Variants in RUVBL2 observed in about 807,000 individuals in gnomAD.
RUVBL2 encodes ruvB-like 2.
Under a neutral mutation model 57.9 loss-of-function variants are expected in RUVBL2, and 9 were observed. The ratio of observed to expected loss-of-function variants is 0.16; its 90% CI spans 0.09 to 0.27. The LOEUF (loss-of-function observed/expected upper bound fraction) is 0.27, where lower values mean the gene tolerates loss of function less well. Among genes scored for constraint, RUVBL2 ranks in the 10% least tolerant of loss-of-function variants. The pLI is 1.00. For synonymous variants in RUVBL2, 278 were observed against 264.6 expected (o/e 1.05, Z -0.49); for missense variants, 456 against 669.6 (o/e 0.68, Z 3.52).
Position 49,014,728 on chromosome 19 carries a change from G to A in RUVBL2, c.1121+125G>A, listed in dbSNP as rs996339557. The stretch of plus-strand genomic sequence containing the variant: ...GGGCCTACAGGAGAGAGGGCTGAGC[G>A]GGCACCCAGACGGTGGCCTCCGATC... On this transcript the variant is annotated intron_variant, in intron 12 of 14. Coordinates refer to ENST00000595090, the MANE Select transcript of RUVBL2 (RefSeq NM_006666.3). 1.5e-5 allele frequency: 20 copies of A among 1,336,018 alleles called. No homozygotes were observed. In the East Asian group the frequency reaches 2.4e-4, roughly 16 times the overall value. 82.8% of individuals were successfully genotyped at this position (1,336,018 alleles called of 1,614,324 possible).
At chr19:49,010,682 T>C (rs2039402203) in intron 9 of RUVBL2, 71 bp downstream of exon 9, 1 of 1,590,412 alleles carries the variant, frequency 6.3e-7, no homozygotes. Context: ...GCTCCCTCTG[T>C]TCCTGAGCTC....
In RUVBL2 at chr19:49,003,260, G is replaced by T; in HGVS notation, c.68-19G>T. 4 of 1,565,576 alleles carry T rather than the reference G, an allele frequency of 2.6e-6. No individual in the cohort carries two copies. On this transcript the variant is annotated intron_variant, in intron 2 of 14. Coordinates refer to ENST00000595090, the MANE Select transcript of RUVBL2 (RefSeq NM_006666.3). ...CAAGCTGGCTAGTAACTGAGTCTTT[G>T]TTCTTTCCCTTCATGTAGGTGCCCA...
rs894986163 is a variant in RUVBL2, at chr19:49,014,968, GCAGT to G, written c.1122-49_1122-46del. 20 of 1,557,048 alleles carry G rather than the reference GCAGT, an allele frequency of 1.3e-5. No homozygotes were observed. The African/African-American group carries it at 1.9e-4, about 15-fold the overall frequency. ...GAGGGTTGCTGTGGCCACTTCTGCT[GCAGT>G]CAGAGGCTGGGCCCCGGCTGAGCCA... On this transcript the variant is annotated intron_variant, in intron 12 of 14. Coordinates refer to ENST00000595090, the MANE Select transcript of RUVBL2 (RefSeq NM_006666.3).
rs752378665 is a variant in RUVBL2 at position 49,004,324 on chromosome 19, C to T, written c.171C>T (p.Gly57=). The change falls in exon 4 of 15, where the codon GGC becomes GGT. Residue 57 remains glycine (G), a synonymous_variant. Transcript: ENST00000595090. ...VGQLAARRAA[G]VVLEMIREGK... is the part of the protein sequence containing the mutation. ...AGCTGGCGGCACGGCGGGCGGCTGGCGTGGTGCTGGAGATGATCCGGGAAG... is the reference window on the plus strand; with the variant it reads ...AGCTGGCGGCACGGCGGGCGGCTGGTGTGGTGCTGGAGATGATCCGGGAAG... 3 of 1,609,644 alleles carry T rather than the reference C, an allele frequency of 1.9e-6. No individual in the cohort carries two copies. The highest frequency in any genetic ancestry group is 1.3e-5 in the African/African-American group (1 of 74,886).
chr19:49,000,691 C>G (rs1429698083), intron 2 of RUVBL2, among the ~76,000 whole-genome samples: 2 of 152,034 alleles, frequency 1.3e-5, no homozygotes, highest in East Asian at 1.9e-4. Context: ...ATGGTGAAAC[C>G]CTGTCTCTAC....
chr19:49,011,142 CG>C lies in RUVBL2; in HGVS notation c.883-46del. ...GGCGGGTGGTGGGGTGGAGGTGGGC[CG>C]GGGAAGTGGGGACGCGGGTGGTGAC... On this transcript the variant is annotated intron_variant, in intron 10 of 14. Transcript: ENST00000595090. The surrounding 1 kb of genome is among the most constrained non-coding windows in gnomAD (Gnocchi z 4.4). 6.8e-7 allele frequency: 1 copy of C among 1,466,076 alleles called. No individual in the cohort carries two copies. The highest frequency in any genetic ancestry group is 9.5e-7 in the Non-Finnish European group (1 of 1,052,638). 90.8% of individuals were successfully genotyped at this position (1,466,076 alleles called of 1,614,324 possible). A position where few individuals can be genotyped will look rare whatever the true frequency, so the allele number is the denominator to read the frequency against.
At chr19:49,013,155 G>C (rs2039468170) in intron 11 of RUVBL2, among the ~76,000 whole-genome samples, 1 of 152,070 alleles carries the variant, frequency 6.6e-6, no homozygotes, top group Non-Finnish European at 1.5e-5. Flanking sequence ...GTAGAGACAG[G>C]GTTTCACCAT....
chr19:49,015,900 T>A lies in RUVBL2; in HGVS notation c.*58T>A. On this transcript the variant is annotated 3_prime_UTR_variant, in exon 15 of 15. Transcript: ENST00000595090. ...TCCACCAGAGTTCTGACACTGTGACTCTGTATAAAATGGTTGGGAAGCTGC... is the reference window on the plus strand; with the variant it reads ...TCCACCAGAGTTCTGACACTGTGACACTGTATAAAATGGTTGGGAAGCTGC... The A allele has an allele frequency of 1.9e-6, 3 of 1,614,000 alleles. No individual in the cohort carries two copies. Among genetic ancestry groups the A allele is most frequent in the Non-Finnish European group, 2.5e-6 (3 of 1,179,880 alleles).
intron 4 of RUVBL2, 27 bp from the exon 5 acceptor site, chr19:49,006,991 C>T (rs775221253): frequency 3.1e-6 from 5 of 1,610,894 alleles, no homozygotes; most frequent in Non-Finnish European, 4.2e-6. Context: ...AGAGCGGCTT[C>T]ACCTACACAG....
At chr19:49,001,479 T>TA (rs781290232) in intron 2 of RUVBL2, 2,167 of 124,846 alleles carry the variant, frequency 0.017, 17 homozygotes, top group African/African-American at 0.027. Flanking sequence ...AATAAAAAAT[T>TA]AAAAAAAAAA....
intron 9 of RUVBL2, 121 bp downstream of exon 9, chr19:49,010,732 C>G (rs2039404279): frequency 1.4e-6 from 2 of 1,413,122 alleles, no homozygotes; most frequent in Non-Finnish European, 1.9e-6. Context: ...TCCTGTAACT[C>G]CGGCCCGTGG....
At chr19:49,005,120 T>C (rs2039258395) in intron 4 of RUVBL2, among the ~76,000 whole-genome samples, 1 of 152,192 alleles carries the variant, frequency 6.6e-6, no homozygotes, top group African/African-American at 2.4e-5. Flanking sequence ...TTCTTCCTTG[T>C]TGAACTCCTA....
At chr19:49,010,467 T>TTCCCCCCCCCCCC in intron 8 of RUVBL2, 21 bp from the exon 9 acceptor site, 1 of 1,401,208 alleles carries the variant, frequency 7.1e-7, no homozygotes, top group South Asian at 1.2e-5. Flanking sequence ...CCGCCGTTCT[T>TTCCCCCCCCCCCC]CCCCCACCCC....
chr19:48,993,756 G>C, upstream of RUVBL2: 2 of 939,676 alleles, frequency 2.1e-6, no homozygotes, highest in East Asian at 2.6e-5. Flanking sequence ...CTCGGTGGGA[G>C]GGCGGGGCAT....
chr19:49,010,796 G>A (rs1182569923), intron 9 of RUVBL2, among the ~76,000 whole-genome samples, 185 bp downstream of exon 9: 2 of 152,142 alleles, frequency 1.3e-5, no homozygotes, highest in African/African-American at 2.4e-5. Context: ...TGCTGGTGCT[G>A]TGATGGGTGT....
chr19:49,007,723 G>A (rs1441763973), intron 6 of RUVBL2, among the ~76,000 whole-genome samples: 2 of 150,136 alleles, frequency 1.3e-5, no homozygotes, highest in Non-Finnish European at 3.0e-5. Flanking sequence ...TTTTGTTTTC[G>A]AGACAGAGTC....
intron 3 of RUVBL2, 44 bp from the exon 4 acceptor site, chr19:49,004,233 G>C (rs1322682691): frequency 6.2e-7 from 1 of 1,602,470 alleles, no homozygotes; most frequent in South Asian, 1.1e-5. Context: ...AAATGCCATG[G>C]TAGCCCCACA....
At chr19:49,010,865 T>A in intron 9 of RUVBL2, 134 bp from the exon 10 acceptor site, 1 of 901,482 alleles carries the variant, frequency 1.1e-6, no homozygotes, top group South Asian at 1.6e-5. Flanking sequence ...TGGGGATGTT[T>A]CAGGCTCCTC....
intron 8 of RUVBL2, 68 bp downstream of exon 8, chr19:49,010,134 C>G (rs1286226642): frequency 1.4e-6 from 2 of 1,398,404 alleles, no homozygotes; most frequent in African/African-American, 1.4e-5. Context: ...TCCATCACCC[C>G]CTTGACCCAT....
Sources: gnomAD v4.1 joint callset for allele counts (sites outside exome capture counted in the v4.1 genomes callset) on GRCh38, gnomAD v4.1.1 for gene constraint, Gnocchi (gnomAD v3.1) non-coding constraint, MANE v1.5 for transcripts, NCBI Gene and HGNC (gene_info 2026-07-23, HGNC 2026-07-21) for gene names.